Variants in UIMC1 observed in about 807,000 individuals in gnomAD.
UIMC1 encodes the protein BRCA1-A complex subunit RAP80.
A neutral mutation model predicts 84.9 loss-of-function variants in UIMC1; 42 were observed. The ratio of observed to expected loss-of-function variants is 0.49; its 90% CI spans 0.39 to 0.64. UIMC1 has a LOEUF of 0.64. UIMC1 is among the 30% of genes least tolerant of loss of function. The pLI, the probability that UIMC1 is intolerant of heterozygous loss-of-function variation, is 0.00. For missense variants in UIMC1, 825 were observed against 847.6 expected (o/e 0.97, Z 0.33); for synonymous variants, 281 against 293.0 (o/e 0.96, Z 0.42).
chr5:176,991,856 T>C (rs1325206910), intron 1 of UIMC1, among the ~76,000 whole-genome samples: 8 of 151,956 alleles, frequency 5.3e-5, no homozygotes, highest in Admixed American at 4.6e-4. Context: ...GGCGTGAACC[T>C]GGGAGGCAGA....
chr5:177,017,304 C>G (rs1775693808), intron 1 of UIMC1, among the ~76,000 whole-genome samples: 1 of 152,198 alleles, frequency 6.6e-6, no homozygotes, highest in African/African-American at 2.4e-5. Flanking sequence ...TAGGAGGTAA[C>G]TCAGATACCA....
At chr5:176,994,751 T>A (rs1022132979) in intron 1 of UIMC1, among the ~76,000 whole-genome samples, 1 of 151,974 alleles carries the variant, frequency 6.6e-6, no homozygotes, top group African/African-American at 2.4e-5. Flanking sequence ...AGTGCGAAAC[T>A]CATGGGGCAG....
chr5:177,016,798 G>A (rs988670361), intron 1 of UIMC1, among the ~76,000 whole-genome samples: 1 of 152,136 alleles, frequency 6.6e-6, no homozygotes, highest in Non-Finnish European at 1.5e-5. Flanking sequence ...CGAGGCAGGT[G>A]AATCACCTGA....
intron 1 of UIMC1, among the ~76,000 whole-genome samples, chr5:176,990,259 G>C (rs765751025): frequency 2.6e-5 from 4 of 151,530 alleles, no homozygotes; most frequent in African/African-American, 7.3e-5. Context: ...AATGGGACTA[G>C]TGCCCTTATA....
At chr5:176,909,748 C>T (rs1174989150) in intron 11 of UIMC1, among the ~76,000 whole-genome samples, 1 of 152,178 alleles carries the variant, frequency 6.6e-6, no homozygotes, top group Admixed American at 6.5e-5. Flanking sequence ...AAAAGCTAGA[C>T]TAGTATACCT....
rs770171023 is a variant in UIMC1 at position 176,968,800 on chromosome 5, C to G, written c.955G>C (p.Gly319Arg). Reference protein sequence around the residue: ...MAQRQLLNKKGFGEPVLPRPP... With the variant: ...MAQRQLLNKKRFGEPVLPRPP... ...CTAGGTAACACTGGTTCCCCAAAACCTTTTTTATTAAGGAGCTGCCTCTGA... is the reference window on the plus strand; with the variant it reads ...CTAGGTAACACTGGTTCCCCAAAACGTTTTTTATTAAGGAGCTGCCTCTGA... The change falls in exon 6 of 15, where the codon GGT (glycine) becomes CGT (arginine). Residue 319 changes from glycine (G) to arginine (R), a missense_variant. Gly to Arg is a moderately radical substitution (Grantham distance 125). Coordinates refer to ENST00000511320, the MANE Select transcript of UIMC1 (RefSeq NM_001199298.2). The G allele has an allele frequency of 6.2e-6, 10 of 1,614,126 alleles. No individual in the cohort carries two copies. In the South Asian group the frequency reaches 8.8e-5, roughly 14 times the overall value.
At chr5:176,959,040 A>G (rs746810547) in intron 6 of UIMC1, among the ~76,000 whole-genome samples, 1 of 152,250 alleles carries the variant, frequency 6.6e-6, no homozygotes, top group African/African-American at 2.4e-5. Context: ...GAATCTCGCT[A>G]CCATTCAGGT....
intron 10 of UIMC1, among the ~76,000 whole-genome samples, chr5:176,929,559 C>T (rs905533585): frequency 2.0e-5 from 3 of 151,176 alleles, no homozygotes; most frequent in Admixed American, 6.6e-5. Flanking sequence ...AGAGTGACTC[C>T]GTCTCAAAAA....
chr5:176,980,191 T>A (rs112839987), intron 2 of UIMC1: 3 of 152,178 alleles, frequency 2.0e-5, no homozygotes, highest in African/African-American at 7.2e-5. Flanking sequence ...AGCTTGCAAA[T>A]AGACTATTGT....
In UIMC1 at chr5:176,907,194, C is replaced by T. The variant is rs2292255; in HGVS notation, c.1849-17G>A. 808,514 of 1,606,930 alleles carry T rather than the reference C, an allele frequency of 0.5. 208,737 individuals carry two copies. Among genetic ancestry groups the T allele is most frequent in the African/African-American group, 0.83 (62,084 of 74,890 alleles). Reference sequence around the variant, plus strand: ...GCCTTTTTCCTGTAACAGAGAAAAACAGATGAAAAGGTTACTTCATGTCAG... The same window carrying T: ...GCCTTTTTCCTGTAACAGAGAAAAATAGATGAAAAGGTTACTTCATGTCAG... On this transcript the variant is annotated splice_polypyrimidine_tract_variant and intron_variant, in intron 12 of 14. Transcript: ENST00000511320.
intron 10 of UIMC1, among the ~76,000 whole-genome samples, chr5:176,926,133 T>C (rs747027166): frequency 6.6e-6 from 1 of 152,134 alleles, no homozygotes; most frequent in Non-Finnish European, 1.5e-5. Flanking sequence ...GGAAACCCTC[T>C]AAATTAAAGA....
At chr5:176,987,041 G>A (rs1436800419) in intron 1 of UIMC1, among the ~76,000 whole-genome samples, 1 of 151,978 alleles carries the variant, frequency 6.6e-6, no homozygotes, top group Admixed American at 6.6e-5. Context: ...CCAATATGGT[G>A]AAACCCTGTC....
At position 176,935,755 on chromosome 5, in the gene UIMC1, C is replaced by G. The variant is rs555615089; in HGVS notation, c.1597+7580G>C. ...AAGAAATAAGTTTTACTTAGAGATA[C>G]TGAGGTCTTACACATTTTTGCTTAG... On this transcript the variant is annotated intron_variant, in intron 10 of 14. Transcript: ENST00000511320. Among the ~76,000 whole-genome samples the G allele has an allele frequency of 3.3e-4, 50 of 152,308 alleles. 1 individual carries two copies. The highest frequency in any genetic ancestry group is 1.2e-3 in the African/African-American group (49 of 41,564).
At chr5:176,967,898 G>C (rs1409686808) in intron 6 of UIMC1, among the ~76,000 whole-genome samples, 2 of 120,604 alleles carry the variant, frequency 1.7e-5, no homozygotes, top group Non-Finnish European at 3.3e-5. Context: ...GCGAGACCTT[G>C]TCTTTAAAAA....
At chr5:176,940,039 C>T (rs1764226191) in intron 10 of UIMC1, among the ~76,000 whole-genome samples, 1 of 152,148 alleles carries the variant, frequency 6.6e-6, no homozygotes, top group Non-Finnish European at 1.5e-5. Flanking sequence ...GTGAAATGTC[C>T]TCCCTGAATG....
intron 9 of UIMC1, 75 bp downstream of exon 9, chr5:176,951,399 T>C: frequency 8.7e-7 from 1 of 1,155,944 alleles, no homozygotes; most frequent in Non-Finnish European, 1.2e-6. Flanking sequence ...TTTCAGCCAA[T>C]GTCAACGTTG....
Position 176,905,491 on chromosome 5 carries a change from C to T in UIMC1, c.1951G>A (p.Val651Met), listed in dbSNP as rs767296600. 2 of 1,613,082 alleles carry T rather than the reference C, an allele frequency of 1.2e-6. No homozygotes were observed. Among genetic ancestry groups the T allele is most frequent in the South Asian group, 2.2e-5 (2 of 91,022 alleles). Residue 651 changes from valine to methionine, a missense_variant and splice_region_variant, in exon 15 of 15, where the codon GTG (valine) becomes ATG (methionine). Val to Met is a conservative substitution (Grantham distance 21). Coordinates refer to ENST00000511320, the MANE Select transcript of UIMC1 (RefSeq NM_001199298.2). ...GCCTCTTCCATCCCTGGTGAAGGCA[C>T]CCTAGAGAGAAGGAAAAAAATTCAG... ...IKSSETGAFR[V>M]PSPGMEEAGC...
intron 3 of UIMC1, among the ~76,000 whole-genome samples, chr5:176,974,770 G>A (rs1403319964): frequency 6.6e-6 from 1 of 151,742 alleles, no homozygotes; most frequent in African/African-American, 2.4e-5. Context: ...CCAAGATCAC[G>A]CCAGCACACT....
intron 6 of UIMC1, among the ~76,000 whole-genome samples, chr5:176,961,229 C>T (rs1165550985): frequency 6.2e-5 from 1 of 16,094 alleles, no homozygotes; most frequent in Admixed American, 3.8e-4. Context: ...AAGTGAGGAG[C>T]GTCTCTGCCC....
Sources: allele counts gnomAD v4.1 joint callset (sites outside exome capture counted in the v4.1 genomes callset), GRCh38; gene constraint gnomAD v4.1.1; transcripts MANE v1.5; gene names NCBI Gene and HGNC (gene_info 2026-07-23, HGNC 2026-07-21).